Variants in NAALADL2 observed in about 807,000 individuals in gnomAD.
NAALADL2 encodes N-acetylated alpha-linked acidic dipeptidase like 2, also known as inactive N-acetylated-alpha-linked acidic dipeptidase-like protein 2.
NAALADL2 carries 76 observed loss-of-function variants against 87.2 expected under a neutral mutation model. That is an observed-to-expected ratio of 0.87 (90% confidence interval 0.72 to 1.05). NAALADL2 has a LOEUF of 1.05. Ranked by LOEUF, NAALADL2 falls within the 50% of genes least tolerant of loss-of-function variation. NAALADL2 has a pLI of 0.00. For synonymous variants in NAALADL2, 354 were observed against 331.0 expected (o/e 1.07, Z -0.75); for missense variants, 1,089 against 945.8 (o/e 1.15, Z -1.99).
intron 5 of NAALADL2, among the ~76,000 whole-genome samples, chr3:175,405,644 G>T (rs1219426280): frequency 1.3e-5 from 2 of 152,036 alleles, no homozygotes; most frequent in African/African-American, 4.8e-5. Flanking sequence ...CAATCCTGGT[G>T]ACTTAATAAT....
At chr3:174,924,386 C>T (rs887368282) in intron 1 of NAALADL2, among the ~76,000 whole-genome samples, 22 of 151,856 alleles carry the variant, frequency 1.4e-4, no homozygotes, top group South Asian at 4.2e-4. Context: ...ACAAAGGACA[C>T]GAACTCATCC....
intron 3 of NAALADL2, among the ~76,000 whole-genome samples, chr3:174,776,828 A>G (rs1369125229): frequency 6.6e-6 from 1 of 152,168 alleles, no homozygotes; most frequent in East Asian, 1.9e-4. Context: ...ACCATGCATG[A>G]CAAAGCTGCA....
intron 9 of NAALADL2, among the ~76,000 whole-genome samples, chr3:175,556,748 T>C (rs889141116): frequency 6.6e-6 from 1 of 152,248 alleles, no homozygotes; most frequent in African/African-American, 2.4e-5. Context: ...TTTTCTTCTA[T>C]ATATCTTAAC....
intron 3 of NAALADL2, among the ~76,000 whole-genome samples, chr3:174,750,308 A>G (rs1167402652): frequency 1.3e-5 from 2 of 152,198 alleles, no homozygotes; most frequent in Non-Finnish European, 2.9e-5. Flanking sequence ...ATTACCTTGA[A>G]TTAGGTCCTG....
chr3:175,010,408 T>C (rs1749621797), intron 1 of NAALADL2, among the ~76,000 whole-genome samples: 1 of 152,172 alleles, frequency 6.6e-6, no homozygotes, highest in African/African-American at 2.4e-5. Context: ...CACTTGACCT[T>C]CATTTGGCAT....
intron 10 of NAALADL2, among the ~76,000 whole-genome samples, chr3:175,627,057 A>G (rs996489679): frequency 1.3e-5 from 2 of 151,848 alleles, no homozygotes; most frequent in East Asian, 3.9e-4. Flanking sequence ...TTAATTAAAT[A>G]TTAATCTATT....
intron 1 of NAALADL2, among the ~76,000 whole-genome samples, chr3:174,518,430 T>C (rs1004207343): frequency 1.3e-5 from 2 of 152,338 alleles, no homozygotes; most frequent in African/African-American, 4.8e-5. Context: ...TAAACTCATC[T>C]TTTAGCTGAT....
At chr3:175,457,506 C>T (rs184329496) in intron 6 of NAALADL2, among the ~76,000 whole-genome samples, 24 of 152,122 alleles carry the variant, frequency 1.6e-4, no homozygotes, top group Non-Finnish European at 2.9e-4. Context: ...ATGATGATGC[C>T]AATGGTGACT....
chr3:174,797,292 G>GTTTTT (rs1468962061), intron 3 of NAALADL2, among the ~76,000 whole-genome samples: 2 of 109,642 alleles, frequency 1.8e-5, no homozygotes, highest in African/African-American at 3.8e-5. Flanking sequence ...TTTTTCTTTT[G>GTTTTT]TTTTTCTTTT....
At chr3:175,153,918 T>C (rs972282511) in intron 2 of NAALADL2, among the ~76,000 whole-genome samples, 4 of 152,206 alleles carry the variant, frequency 2.6e-5, no homozygotes, top group Admixed American at 6.5e-5. Context: ...GGAGCTTTTA[T>C]TAACTGATTA....
intron 4 of NAALADL2, among the ~76,000 whole-genome samples, chr3:175,286,511 A>G (rs1204747509): frequency 2.0e-5 from 3 of 152,188 alleles, no homozygotes; most frequent in African/African-American, 2.4e-5. Context: ...CAAATTTCCA[A>G]GATCCAAAAT....
At chr3:175,371,840 A>G (rs1766544672) in intron 5 of NAALADL2, among the ~76,000 whole-genome samples, 1 of 151,966 alleles carries the variant, frequency 6.6e-6, no homozygotes, top group Admixed American at 6.6e-5. Context: ...ATAACCACTA[A>G]AATGGCTATT....
intron 3 of NAALADL2, among the ~76,000 whole-genome samples, chr3:174,766,486 G>A (rs553535061): frequency 6.6e-6 from 1 of 152,286 alleles, no homozygotes; most frequent in African/African-American, 2.4e-5. Flanking sequence ...TGCACATTAT[G>A]TGTCAAGAAG....
At chr3:175,697,366 T>C (rs1350146142) in intron 11 of NAALADL2, among the ~76,000 whole-genome samples, 1 of 150,924 alleles carries the variant, frequency 6.6e-6, no homozygotes, top group Non-Finnish European at 1.5e-5. Context: ...GTTGAACAAC[T>C]ACTTATAATG....
intron 1 of NAALADL2, among the ~76,000 whole-genome samples, chr3:175,042,553 C>G (rs76323309): frequency 0.023 from 3,465 of 152,256 alleles, 54 homozygotes; most frequent in Non-Finnish European, 0.034. Context: ...TTCCCCCCAA[C>G]AATGAATAAG....
intron 1 of NAALADL2, among the ~76,000 whole-genome samples, chr3:174,983,685 C>T (rs577679114): frequency 6.6e-6 from 1 of 152,104 alleles, no homozygotes; most frequent in Admixed American, 6.6e-5. Context: ...TGATTCTGCC[C>T]TCATGATATA....
At chr3:175,569,803 T>C (rs1717751538) in intron 9 of NAALADL2, among the ~76,000 whole-genome samples, 2 of 149,238 alleles carry the variant, frequency 1.3e-5, no homozygotes, top group Admixed American at 6.8e-5. Context: ...CATTCTCTTA[T>C]AGCAGCCCAG....
chr3:174,853,504 C>T (rs1444627893), intron 3 of NAALADL2, among the ~76,000 whole-genome samples: 2 of 151,496 alleles, frequency 1.3e-5, no homozygotes, highest in Non-Finnish European at 2.9e-5. Flanking sequence ...ACCTCAAAAG[C>T]GGAGGCAACC....
intron 5 of NAALADL2, among the ~76,000 whole-genome samples, chr3:175,330,982 C>T (rs1040023427): frequency 2.0e-5 from 3 of 152,036 alleles, no homozygotes; most frequent in Admixed American, 6.5e-5. Flanking sequence ...ACTGAAACCA[C>T]ATAAATACAA....
Sources: allele counts gnomAD v4.1 joint callset (sites outside exome capture counted in the v4.1 genomes callset), GRCh38; gene constraint gnomAD v4.1.1; transcripts MANE v1.5; gene names NCBI Gene and HGNC (gene_info 2026-07-23, HGNC 2026-07-21).